Variants in PRCP observed in about 807,000 individuals in gnomAD.
The protein encoded by PRCP is prolylcarboxypeptidase.
Under a neutral mutation model 54.2 loss-of-function variants are expected in PRCP, and 46 were observed. The ratio of observed to expected loss-of-function variants is 0.85; its 90% CI spans 0.67 to 1.09. The LOEUF is 1.09. PRCP is among the 50% of genes least tolerant of loss of function. The pLI is 0.00. For synonymous variants in PRCP, 240 were observed against 212.2 expected (o/e 1.13, Z -1.14); for missense variants, 613 against 596.8 (o/e 1.03, Z -0.28).
chr11:82,851,240 G>C (rs888624751), intron 3 of PRCP, among the ~76,000 whole-genome samples: 1 of 151,982 alleles, frequency 6.6e-6, no homozygotes, highest in Non-Finnish European at 1.5e-5. Flanking sequence ...TCCTTTAAAA[G>C]GTGAAGCTTA....
intron 8 of PRCP, among the ~76,000 whole-genome samples, chr11:82,837,742 A>G (rs1212291430): frequency 6.6e-6 from 1 of 152,226 alleles, no homozygotes; most frequent in Non-Finnish European, 1.5e-5. Flanking sequence ...AGTCTGCTCA[A>G]TTAACTCTAA....
At chr11:82,830,810 T>C (rs1028975348) in intron 8 of PRCP, 3 of 151,812 alleles carry the variant, frequency 2.0e-5, no homozygotes, top group Non-Finnish European at 2.9e-5. Flanking sequence ...CCTTTATCAT[T>C]ATTCCAAATT....
At chr11:82,857,034 CAAAAAA>C (rs11388763) in intron 2 of PRCP, among the ~76,000 whole-genome samples, 2 of 119,032 alleles carry the variant, frequency 1.7e-5, no homozygotes, top group African/African-American at 3.3e-5. Flanking sequence ...GCCTCTGTCT[CAAAAAA>C]AAAAAAAAAA....
intron 1 of PRCP, chr11:82,899,933 G>A (rs1354485791): frequency 2.7e-6 from 1 of 373,928 alleles, no homozygotes; most frequent in Non-Finnish European, 4.9e-6. Flanking sequence ...AAGGTCAAGG[G>A]AGTTCGGATT....
At position 82,849,085 on chromosome 11, in the gene PRCP, A is replaced by G. The variant is rs971229095; in HGVS notation, c.885T>C (p.Ser295=). 8.1e-6 allele frequency: 13 copies of G among 1,614,072 alleles called. No individual in the cohort carries two copies. Among genetic ancestry groups the G allele is most frequent in the Non-Finnish European group, 1.1e-5 (13 of 1,179,956 alleles). Residue 295 remains serine (S), a synonymous_variant, in exon 6 of 9, where the codon TCT becomes TCC. Coordinates refer to ENST00000313010, the MANE Select transcript of PRCP (RefSeq NM_005040.4). ...AAGCAGGCAAAGGCTGTAAAAAGTT[A>G]GAGGCATAAGGATAGTCCACCATTG... The part of the protein sequence containing the change: ...NLAMVDYPYA[S]NFLQPLPAWP...
At chr11:82,869,718 G>C (rs1859434054) in intron 1 of PRCP, among the ~76,000 whole-genome samples, 1 of 152,228 alleles carries the variant, frequency 6.6e-6, no homozygotes, top group Non-Finnish European at 1.5e-5. Context: ...TCTGCAGTTG[G>C]TATAAAAACA....
chr11:82,835,119 T>G (rs1302359908), intron 8 of PRCP, among the ~76,000 whole-genome samples: 1 of 152,178 alleles, frequency 6.6e-6, no homozygotes, highest in Non-Finnish European at 1.5e-5. Context: ...AGGTGATGGG[T>G]TGATAGGTGC....
intron 1 of PRCP, among the ~76,000 whole-genome samples, chr11:82,868,551 G>A (rs1325686305): frequency 6.6e-6 from 1 of 152,078 alleles, no homozygotes; most frequent in Non-Finnish European, 1.5e-5. Flanking sequence ...ATTACAGAGG[G>A]CTGCACCAAG....
chr11:82,885,545 A>G (rs1286947264), intron 1 of PRCP, among the ~76,000 whole-genome samples: 2 of 152,262 alleles, frequency 1.3e-5, no homozygotes, highest in African/African-American at 4.8e-5. Context: ...TTTATTAAAT[A>G]GAAGAACGCA....
intron 1 of PRCP, among the ~76,000 whole-genome samples, chr11:82,889,055 T>A (rs1400558867): frequency 8.2e-6 from 1 of 121,870 alleles, no homozygotes; most frequent in East Asian, 1.9e-4. Context: ...TCACACACTG[T>A]CCAGGAGATT....
chr11:82,835,077 A>T (rs1055463247), intron 8 of PRCP, among the ~76,000 whole-genome samples: 2 of 152,212 alleles, frequency 1.3e-5, no homozygotes, highest in African/African-American at 4.8e-5. Context: ...AAGAAAAAGA[A>T]AAACAGCTAA....
At chr11:82,857,712 G>C (rs79717050) in intron 2 of PRCP, among the ~76,000 whole-genome samples, 1 of 152,136 alleles carries the variant, frequency 6.6e-6, no homozygotes, top group African/African-American at 2.4e-5. Flanking sequence ...TGTTTTGATC[G>C]ATAAATGAAC....
chr11:82,843,525 G>C (rs1212527044), intron 6 of PRCP, among the ~76,000 whole-genome samples: 1 of 152,060 alleles, frequency 6.6e-6, no homozygotes, highest in Non-Finnish European at 1.5e-5. Context: ...CGTGACAAAA[G>C]CAAGCACTTG....
At chr11:82,895,519 C>T (rs1188435044) in intron 1 of PRCP, among the ~76,000 whole-genome samples, 1 of 152,074 alleles carries the variant, frequency 6.6e-6, no homozygotes, top group Non-Finnish European at 1.5e-5. Flanking sequence ...GTTTCTGACC[C>T]TCTATAATTT....
At chr11:82,866,983 A>G (rs1266618789) in intron 1 of PRCP, among the ~76,000 whole-genome samples, 1 of 152,130 alleles carries the variant, frequency 6.6e-6, no homozygotes, top group African/African-American at 2.4e-5. Flanking sequence ...CAGCCTCCCA[A>G]AGTGCTGGGA....
chr11:82,860,264 G>T, intron 1 of PRCP, 147 bp from the exon 2 acceptor site: 1 of 435,830 alleles, frequency 2.3e-6, no homozygotes, highest in Non-Finnish European at 3.8e-6. Context: ...ATTATTAATA[G>T]TAATATCGAT....
At chr11:82,898,833 C>G (rs1860179031) in intron 1 of PRCP, among the ~76,000 whole-genome samples, 1 of 149,656 alleles carries the variant, frequency 6.7e-6, no homozygotes, top group Non-Finnish European at 1.5e-5. Flanking sequence ...AACTTGAACT[C>G]AAATGTCTGG....
chr11:82,867,660 A>G (rs947896114), intron 1 of PRCP, among the ~76,000 whole-genome samples: 6 of 152,344 alleles, frequency 3.9e-5, no homozygotes, highest in Admixed American at 6.5e-5. Flanking sequence ...AAATTTTAGG[A>G]AATGACACAC....
chr11:82,866,667 C>T (rs2121196738), intron 1 of PRCP, among the ~76,000 whole-genome samples: 1 of 152,206 alleles, frequency 6.6e-6, no homozygotes, highest in East Asian at 1.9e-4. Context: ...AAGGCAAGAA[C>T]ACAATAGCTA....
Sources: allele counts gnomAD v4.1 joint callset (sites outside exome capture counted in the v4.1 genomes callset), GRCh38; gene constraint gnomAD v4.1.1; transcripts MANE v1.5; gene names NCBI Gene and HGNC (gene_info 2026-07-23, HGNC 2026-07-21).